EGFLAM: variants seen among roughly 807,000 people sequenced by gnomAD.
EGFLAM encodes pikachurin.
A neutral mutation model predicts 113.1 loss-of-function variants in EGFLAM; 79 were observed. The ratio of observed to expected loss-of-function variants is 0.70; its 90% CI spans 0.58 to 0.84. The LOEUF is 0.84. Among genes scored for constraint, EGFLAM ranks in the 40% least tolerant of loss-of-function variants. EGFLAM has a pLI of 0.00. For synonymous variants in EGFLAM, 504 were observed against 487.6 expected (o/e 1.03, Z -0.44); for missense variants, 1,265 against 1,291.6 (o/e 0.98, Z 0.32).
intron 5 of EGFLAM, among the ~76,000 whole-genome samples, chr5:38,356,577 C>T (rs1354144149): frequency 6.6e-6 from 1 of 152,114 alleles, no homozygotes; most frequent in East Asian, 1.9e-4. Context: ...TTTATGAATC[C>T]CCATGTCCTT....
chr5:38,376,023 C>T (rs1228888776), intron 6 of EGFLAM, among the ~76,000 whole-genome samples: 1 of 152,174 alleles, frequency 6.6e-6, no homozygotes, highest in African/African-American at 2.4e-5. Context: ...AGACCCAAAT[C>T]ATGATCTCTC....
At chr5:38,414,510 A>G (rs945916190) in intron 11 of EGFLAM, among the ~76,000 whole-genome samples, 2 of 152,190 alleles carry the variant, frequency 1.3e-5, no homozygotes, top group Non-Finnish European at 2.9e-5. Flanking sequence ...CATAGCATCT[A>G]AAAAAGGGAG....
At chr5:38,301,680 A>T (rs560943875) in intron 1 of EGFLAM, among the ~76,000 whole-genome samples, 1 of 152,146 alleles carries the variant, frequency 6.6e-6, no homozygotes, top group Non-Finnish European at 1.5e-5. Flanking sequence ...TAGAAATCCA[A>T]AGAATTATGC....
chr5:38,341,632 T>A (rs1013355182), intron 3 of EGFLAM, among the ~76,000 whole-genome samples: 39 of 152,208 alleles, frequency 2.6e-4, no homozygotes, highest in African/African-American at 9.2e-4. Context: ...GCTATAAATA[T>A]TACTGACACA....
intron 6 of EGFLAM, among the ~76,000 whole-genome samples, chr5:38,393,907 A>G (rs896399045): frequency 6.6e-6 from 1 of 152,172 alleles, no homozygotes; most frequent in Non-Finnish European, 1.5e-5. Context: ...GAATCAGGTC[A>G]CACAAACTGT....
intron 6 of EGFLAM, among the ~76,000 whole-genome samples, chr5:38,383,252 A>G (rs953498325): frequency 4.6e-5 from 7 of 152,358 alleles, no homozygotes; most frequent in Middle Eastern, 3.4e-3. Context: ...GGCGTTTATA[A>G]CATTTTATTT....
intron 1 of EGFLAM, among the ~76,000 whole-genome samples, chr5:38,316,076 C>CCAA (rs761893507): frequency 1.4e-3 from 170 of 125,312 alleles, no homozygotes; most frequent in African/African-American, 4.6e-3. Flanking sequence ...GACTCTGTCC[C>CCAA]AAAAAAAAAA....
chr5:38,364,147 A>G (rs1288920197), intron 5 of EGFLAM, among the ~76,000 whole-genome samples: 2 of 152,192 alleles, frequency 1.3e-5, no homozygotes, highest in Non-Finnish European at 2.9e-5. Context: ...TCATACAAAC[A>G]TGTATGTATG....
intron 3 of EGFLAM, among the ~76,000 whole-genome samples, chr5:38,347,331 G>C (rs999807063): frequency 3.3e-5 from 5 of 152,188 alleles, no homozygotes; most frequent in African/African-American, 1.2e-4. Flanking sequence ...ACTATGCTAA[G>C]CTTTGGGATG....
intron 19 of EGFLAM, among the ~76,000 whole-genome samples, chr5:38,457,983 T>C (rs1020409920): frequency 6.6e-6 from 1 of 152,240 alleles, no homozygotes; most frequent in Admixed American, 6.5e-5. Context: ...TTTAATGCAA[T>C]GCTTTTGTTT....
At chr5:38,359,019 A>C (rs1739849346) in intron 5 of EGFLAM, among the ~76,000 whole-genome samples, 1 of 152,240 alleles carries the variant, frequency 6.6e-6, no homozygotes. Context: ...ATAAGAACCA[A>C]GCATAAATAT....
chr5:38,417,365 A>C (rs868449568), intron 11 of EGFLAM, among the ~76,000 whole-genome samples: 41 of 148,890 alleles, frequency 2.8e-4, no homozygotes, highest in East Asian at 1.4e-3. Context: ...AAAAAAAAAA[A>C]AAAACAAAAA....
chr5:38,375,573 G>T (rs545510808), intron 6 of EGFLAM, among the ~76,000 whole-genome samples: 1 of 152,322 alleles, frequency 6.6e-6, no homozygotes, highest in Admixed American at 6.5e-5. Context: ...TGTAAGAAAA[G>T]ATAACACTTC....
chr5:38,322,488 T>C lies in EGFLAM; in HGVS notation c.98-15032T>C, dbSNP rs115873669. Among the ~76,000 whole-genome samples, 861 of 152,320 alleles carry C rather than the reference T, an allele frequency of 5.7e-3. 10 individuals are homozygous for C. Among genetic ancestry groups the C allele is most frequent in the African/African-American group, 0.02 (830 of 41,582 alleles). ...CGTTTGCCTGGGTCTGAGGGAGCAC[T>C]GCCCTGAGGAGCTGTTCCAAGTGGC... On this transcript the variant is annotated intron_variant, in intron 1 of 21. Transcript: ENST00000322350.
intron 16 of EGFLAM, 43 bp downstream of exon 16, chr5:38,435,296 G>A (rs1286026324): frequency 7.1e-7 from 1 of 1,409,338 alleles, no homozygotes; most frequent in Non-Finnish European, 1.0e-6. Context: ...CACCCAGACT[G>A]TAGACAAAGA....
chr5:38,280,991 C>T (rs1233823062), intron 1 of EGFLAM, among the ~76,000 whole-genome samples: 1 of 152,064 alleles, frequency 6.6e-6, no homozygotes, highest in Admixed American at 6.6e-5. Context: ...ATGAGCTACC[C>T]CTGGGCCCAA....
chr5:38,324,274 G>C (rs948552318), intron 1 of EGFLAM, among the ~76,000 whole-genome samples: 2 of 152,116 alleles, frequency 1.3e-5, no homozygotes, highest in African/African-American at 4.8e-5. Flanking sequence ...GACTTTGCCT[G>C]ATGGTTTCTC....
intron 5 of EGFLAM, among the ~76,000 whole-genome samples, chr5:38,368,803 T>C (rs1210275447): frequency 6.6e-6 from 1 of 152,048 alleles, no homozygotes; most frequent in African/African-American, 2.4e-5. Context: ...ATTTATCAGC[T>C]ATGTGACCTT....
rs145346800 is a variant in EGFLAM at position 38,300,780 on chromosome 5, G to A, written c.98-36740G>A. Among the ~76,000 whole-genome samples the A allele has an allele frequency of 6.3e-4, 96 of 152,302 alleles. 1 individual carries two copies. In the East Asian group the frequency reaches 0.016, roughly 26 times the overall value. ...TGCAGTAATCCAGGAGAAAGAAGAT[G>A]GTGGCTTAGTTCAGGGTTGTAGCAA... On this transcript the variant is annotated intron_variant, in intron 1 of 21. Coordinates refer to ENST00000322350, the MANE Select transcript of EGFLAM (RefSeq NM_152403.4).
Sources: allele counts gnomAD v4.1 joint callset (sites outside exome capture counted in the v4.1 genomes callset), GRCh38; gene constraint gnomAD v4.1.1; transcripts MANE v1.5; gene names NCBI Gene and HGNC (gene_info 2026-07-23, HGNC 2026-07-21).